ZNF609: variants seen among roughly 807,000 people sequenced by gnomAD.
ZNF609 encodes zinc finger protein 609.
Under a neutral mutation model 109.5 loss-of-function variants are expected in ZNF609, and 11 were observed. The ratio of observed to expected loss-of-function variants is 0.10; its 90% CI spans 0.06 to 0.17. The LOEUF is 0.17. ZNF609 is among the 10% of genes least tolerant of loss of function. ZNF609 has a pLI of 1.00. For missense variants in ZNF609, 1,559 were observed against 1,772.4 expected (o/e 0.88, Z 2.16); for synonymous variants, 646 against 662.0 (o/e 0.98, Z 0.37).
chr15:64,594,988 C>T (rs1461371816), intron 2 of ZNF609, among the ~76,000 whole-genome samples: 3 of 131,320 alleles, frequency 2.3e-5, no homozygotes, highest in Admixed American at 8.3e-5. Context: ...GGCAACAGAG[C>T]GAGGCTCCGT....
At chr15:64,472,205 A>G (rs996432656) in intron 1 of ZNF609, among the ~76,000 whole-genome samples, 5 of 152,154 alleles carry the variant, frequency 3.3e-5, no homozygotes, top group African/African-American at 1.2e-4. Flanking sequence ...GAGCCACCAC[A>G]CCCGGCCTAT....
chr15:64,634,609 A>G (rs929309626), intron 3 of ZNF609, among the ~76,000 whole-genome samples: 7 of 152,142 alleles, frequency 4.6e-5, no homozygotes, highest in Non-Finnish European at 1.0e-4. Flanking sequence ...TCTTTCTCAT[A>G]TGCTATAATT....
chr15:64,685,073 T>G lies in ZNF609; in HGVS notation c.*3387T>G, dbSNP rs1295897834. 3.9e-5 allele frequency: 6 copies of G among 152,484 alleles called. No individual in the cohort carries two copies. Among genetic ancestry groups the G allele is most frequent in the African/African-American group, 1.4e-4 (6 of 41,412 alleles). The allele number at this position is 152,484 out of a possible 1,614,324, so 9.4% of individuals were successfully genotyped here. Reference sequence around the variant, plus strand: ...AGGGGCAGTGTTGCTGTTCATAGATTTTGTTCCATTGGCGTTGCTCTGTTG... The same window carrying G: ...AGGGGCAGTGTTGCTGTTCATAGATGTTGTTCCATTGGCGTTGCTCTGTTG... On this transcript the variant is annotated 3_prime_UTR_variant, in exon 10 of 10. Transcript: ENST00000326648.
chr15:64,616,279 C>T (rs1345687409), intron 2 of ZNF609, among the ~76,000 whole-genome samples: 2 of 152,112 alleles, frequency 1.3e-5, no homozygotes, highest in Non-Finnish European at 1.5e-5. Context: ...CAGGTATAAA[C>T]CATCACATTT....
intron 2 of ZNF609, among the ~76,000 whole-genome samples, chr15:64,506,342 C>A (rs575992452): frequency 6.6e-6 from 1 of 150,702 alleles, no homozygotes; most frequent in African/African-American, 2.4e-5. Flanking sequence ...AGGCTGGTGT[C>A]GAGCTCCTGG....
intron 3 of ZNF609, among the ~76,000 whole-genome samples, chr15:64,655,226 C>G (rs1163247543): frequency 6.7e-6 from 1 of 149,460 alleles, no homozygotes; most frequent in Non-Finnish European, 1.5e-5. Context: ...TGTTGGATCA[C>G]TGAGGTCGGG....
At chr15:64,491,024 T>C (rs968917372) in intron 1 of ZNF609, among the ~76,000 whole-genome samples, 1 of 152,240 alleles carries the variant, frequency 6.6e-6, no homozygotes, top group African/African-American at 2.4e-5. Context: ...ATTGGATCTG[T>C]CTTCTCAAAT....
At chr15:64,646,624 G>T in intron 3 of ZNF609, among the ~76,000 whole-genome samples, 1 of 81,682 alleles carries the variant, frequency 1.2e-5, no homozygotes, top group Admixed American at 1.8e-4. Flanking sequence ...ATGGAAACAA[G>T]ACTCCATCTC....
intron 1 of ZNF609, among the ~76,000 whole-genome samples, chr15:64,464,086 A>G (rs7175765): frequency 0.87 from 132,105 of 152,048 alleles, 58,592 homozygotes; most frequent in East Asian, 0.96. Flanking sequence ...TTGTGATAGA[A>G]GTCTAGAAAG....
intron 2 of ZNF609, among the ~76,000 whole-genome samples, chr15:64,609,496 G>T (rs1475350447): frequency 6.7e-6 from 1 of 150,096 alleles, no homozygotes; most frequent in Non-Finnish European, 1.5e-5. Context: ...TTTTTATAGA[G>T]ACGGGGTTTC....
intron 3 of ZNF609, among the ~76,000 whole-genome samples, chr15:64,668,778 ACT>A (rs759006508): frequency 1.6e-4 from 24 of 151,840 alleles, no homozygotes; most frequent in South Asian, 6.2e-4. Flanking sequence ...ACATGGAGAA[ACT>A]CTGTCTCTAC....
At chr15:64,647,166 C>T (rs1374242387) in intron 3 of ZNF609, among the ~76,000 whole-genome samples, 1 of 150,640 alleles carries the variant, frequency 6.6e-6, no homozygotes, top group East Asian at 2.0e-4. Flanking sequence ...TCTGATTCTA[C>T]AATGTGGATG....
intron 2 of ZNF609, among the ~76,000 whole-genome samples, chr15:64,610,414 G>A (rs1474365793): frequency 1.3e-5 from 2 of 152,114 alleles, no homozygotes; most frequent in Non-Finnish European, 2.9e-5. Context: ...GAAATAATCT[G>A]TACAACAAAC....
At chr15:64,481,428 C>A (rs1893252436) in intron 1 of ZNF609, among the ~76,000 whole-genome samples, 1 of 148,570 alleles carries the variant, frequency 6.7e-6, no homozygotes, top group South Asian at 2.1e-4. Context: ...TCAAGCGATT[C>A]TTCTGCCTCA....
At chr15:64,590,842 C>T (rs1312113410) in intron 2 of ZNF609, among the ~76,000 whole-genome samples, 1 of 151,810 alleles carries the variant, frequency 6.6e-6, no homozygotes, top group East Asian at 1.9e-4. Flanking sequence ...TGTTTGTTGG[C>T]ATTAAAAACA....
At chr15:64,554,968 C>G (rs1266287535) in intron 2 of ZNF609, among the ~76,000 whole-genome samples, 1 of 151,710 alleles carries the variant, frequency 6.6e-6, no homozygotes, top group Non-Finnish European at 1.5e-5. Context: ...CAGTGATGTG[C>G]GCCTGTAATT....
chr15:64,601,424 C>G (rs1050133297), intron 2 of ZNF609, among the ~76,000 whole-genome samples: 4 of 152,068 alleles, frequency 2.6e-5, no homozygotes, highest in African/African-American at 9.7e-5. Flanking sequence ...GGTAATAGAG[C>G]TAATGAGGGT....
intron 2 of ZNF609, among the ~76,000 whole-genome samples, chr15:64,591,228 G>A (rs1193028113): frequency 6.6e-6 from 1 of 152,066 alleles, no homozygotes; most frequent in African/African-American, 2.4e-5. Flanking sequence ...AAGAGATCGA[G>A]ACCATCCTGG....
At chr15:64,652,303 C>A (rs2140998375) in intron 3 of ZNF609, among the ~76,000 whole-genome samples, 1 of 152,078 alleles carries the variant, frequency 6.6e-6, no homozygotes, top group South Asian at 2.1e-4. Context: ...AGCTTACAGG[C>A]ATGAGCCACC....
Sources: allele counts gnomAD v4.1 joint callset (sites outside exome capture counted in the v4.1 genomes callset), GRCh38; gene constraint gnomAD v4.1.1; transcripts MANE v1.5; gene names NCBI Gene and HGNC (gene_info 2026-07-23, HGNC 2026-07-21).